MYPN: variants seen among roughly 807,000 people sequenced by gnomAD.
MYPN encodes sarcomeric protein myopalladin, 145 kDa (MYOP).
Under a neutral mutation model 129.4 loss-of-function variants are expected in MYPN, and 63 were observed. That is an observed-to-expected ratio of 0.49 (90% CI 0.40 to 0.60). MYPN has a LOEUF of 0.60. Among genes scored for constraint, MYPN ranks in the 20% least tolerant of loss-of-function variants. The probability of loss-of-function intolerance (pLI) is 0.00; values close to 1 mark genes in which losing one functional copy is unlikely to be tolerated. For synonymous variants in MYPN, 629 were observed against 600.9 expected (o/e 1.05, Z -0.68); for missense variants, 1,596 against 1,635.4 (o/e 0.98, Z 0.42).
chr10:68,120,462 T>A (rs2042225550), intron 1 of MYPN, among the ~76,000 whole-genome samples: 1 of 152,314 alleles, frequency 6.6e-6, no homozygotes, highest in Non-Finnish European at 1.5e-5. Flanking sequence ...TTAACCAAAG[T>A]TAATTTAAGA....
intron 6 of MYPN, among the ~76,000 whole-genome samples, chr10:68,152,809 T>G (rs2042796765): frequency 6.6e-6 from 1 of 151,064 alleles, no homozygotes. Context: ...GCTAATCTTT[T>G]GTATTTTTAG....
upstream of MYPN, among the ~76,000 whole-genome samples, chr10:68,107,885 C>G (rs1466868043): frequency 6.6e-6 from 1 of 152,114 alleles, no homozygotes; most frequent in Non-Finnish European, 1.5e-5. Flanking sequence ...TACTAGCCAC[C>G]TGAAATAGAG....
intron 1 of MYPN, among the ~76,000 whole-genome samples, chr10:68,089,952 T>C (rs774838806): frequency 9.2e-5 from 14 of 152,190 alleles, no homozygotes; most frequent in Non-Finnish European, 1.6e-4. Context: ...AGAGAACTTA[T>C]ATGGGACACA....
rs766738381 is a variant in MYPN at position 68,197,400 on chromosome 10, C to T, written c.3207C>T (p.Arg1069=). 3.1e-6 allele frequency: 5 copies of T among 1,613,868 alleles called. No individual in the cohort carries two copies. Among genetic ancestry groups the T allele is most frequent in the African/African-American group, 1.3e-5 (1 of 74,908 alleles). The change falls in exon 16 of 20, where the codon CGC becomes CGT. Residue 1069 remains arginine, a synonymous_variant. Transcript: ENST00000358913. The part of the protein sequence containing the change: ...QERDKEPLQE[R]FFRPHFLQAP... ...GAGACAAAGAGCCCCTACAGGAACG[C>T]TTTTTCCGACCACATTTCCTGCAGG...
chr10:68,094,316 G>T (rs2133937476), intron 1 of MYPN, among the ~76,000 whole-genome samples: 1 of 151,804 alleles, frequency 6.6e-6, no homozygotes, highest in East Asian at 1.9e-4. Context: ...CCAGGCTGGA[G>T]TGCAATGGCG....
At chr10:68,141,299 G>A (rs915770043) in intron 2 of MYPN, among the ~76,000 whole-genome samples, 1 of 151,936 alleles carries the variant, frequency 6.6e-6, no homozygotes, top group African/African-American at 2.4e-5. Flanking sequence ...AACCCGGGGG[G>A]CAGAGGTTGC....
chr10:68,103,288 A>C (rs543857198), upstream of MYPN, among the ~76,000 whole-genome samples: 1 of 152,322 alleles, frequency 6.6e-6, no homozygotes, highest in African/African-American at 2.4e-5. Flanking sequence ...CCTTGACAAC[A>C]GTTTCATTCC....
intron 6 of MYPN, among the ~76,000 whole-genome samples, chr10:68,154,247 G>C (rs185908759): frequency 1.0e-3 from 158 of 152,288 alleles, no homozygotes; most frequent in African/African-American, 3.7e-3. Context: ...AATGTGAAGG[G>C]AGGTCGATGA....
At chr10:68,194,044 T>C (rs2043560895) in intron 13 of MYPN, among the ~76,000 whole-genome samples, 2 of 152,188 alleles carry the variant, frequency 1.3e-5, no homozygotes, top group Non-Finnish European at 2.9e-5. Context: ...TCTGAAGGCA[T>C]GTCCAGTCCT....
At chr10:68,127,316 T>C (rs1210199816) in intron 2 of MYPN, among the ~76,000 whole-genome samples, 8 of 136,258 alleles carry the variant, frequency 5.9e-5, no homozygotes, top group Admixed American at 5.3e-4. Context: ...GGGACACATA[T>C]ATCTTTTTTT....
chr10:68,146,891 G>A (rs1011305086), intron 4 of MYPN, among the ~76,000 whole-genome samples: 1 of 152,124 alleles, frequency 6.6e-6, no homozygotes, highest in Non-Finnish European at 1.5e-5. Flanking sequence ...AAAGAAATCA[G>A]GTATTCTATT....
At chr10:68,109,013 G>A (rs2042045810), upstream of MYPN, among the ~76,000 whole-genome samples, 1 of 152,120 alleles carries the variant, frequency 6.6e-6, no homozygotes, top group Non-Finnish European at 1.5e-5. Flanking sequence ...GAGCCACTGC[G>A]CCCAGCCAAG....
rs533390464 is a variant in MYPN at position 68,143,742 on chromosome 10, TTTTTG to T, written c.1078+652_1078+656del. Among the ~76,000 whole-genome samples the T allele has an allele frequency of 2.6e-3, 389 of 152,044 alleles. 1 individual carries two copies. Among genetic ancestry groups the T allele is most frequent in the Middle Eastern group, 0.014 (4 of 292 alleles). The stretch of plus-strand genomic sequence containing the variant: ...CATGACATGATCTTAGTTTTTTTGT[TTTTTG>T]TTTTGTTTTGTTTTGTTTTGTTTTT... On this transcript the variant is annotated intron_variant, in intron 3 of 19. Transcript: ENST00000358913.
chr10:68,102,509 T>C (rs939705915), upstream of MYPN, among the ~76,000 whole-genome samples: 4 of 152,210 alleles, frequency 2.6e-5, no homozygotes, highest in Admixed American at 6.5e-5. Context: ...ATTTGAGACC[T>C]ATGTGAGAGA....
rs531294201 is a variant in MYPN at position 68,138,405 on chromosome 10, TTTTCTTTCTTG to T, written c.903-4524_903-4514del. 1.2e-3 allele frequency among the ~76,000 whole-genome samples: 189 copies of T among 151,782 alleles called. 4 individuals carry two copies. The East Asian group carries it at 0.024, about 19-fold the overall frequency. On this transcript the variant is annotated intron_variant, in intron 2 of 19. Coordinates refer to ENST00000358913, the MANE Select transcript of MYPN (RefSeq NM_032578.4). Reference sequence around the variant, plus strand: ...GCATGAGCCACTGTGCCCGGCCTCTTTTTCTTTCTTGTTTCTTTCTTTCTTTTTTTTTTTTT... The same window carrying T: ...GCATGAGCCACTGTGCCCGGCCTCTTTTTCTTTCTTTCTTTTTTTTTTTTT...
intron 2 of MYPN, chr10:68,136,319 C>T (rs2042486378): frequency 1.0e-6 from 1 of 961,690 alleles, no homozygotes; most frequent in Admixed American, 5.8e-5. Context: ...ATCATTGACT[C>T]ATTTCTATTG....
chr10:68,145,881 C>T (rs770901786), intron 4 of MYPN, among the ~76,000 whole-genome samples: 1 of 152,006 alleles, frequency 6.6e-6, no homozygotes, highest in African/African-American at 2.4e-5. Context: ...CCTCTTTTAC[C>T]CCCTTCCTAT....
intron 13 of MYPN, among the ~76,000 whole-genome samples, chr10:68,189,839 A>T (rs1369183942): frequency 6.6e-6 from 1 of 152,304 alleles, no homozygotes; most frequent in East Asian, 1.9e-4. Context: ...AGGAGTGCAG[A>T]TATCTCTTCA....
At chr10:68,210,200 C>T (rs945057439) in intron 19 of MYPN, 86 bp from the exon 20 acceptor site, 6 of 1,462,494 alleles carry the variant, frequency 4.1e-6, no homozygotes, top group African/African-American at 1.4e-5. Flanking sequence ...CAGGGAGAAT[C>T]GGGGTGAGGA....
Sources: allele counts gnomAD v4.1 joint callset (sites outside exome capture counted in the v4.1 genomes callset), GRCh38; gene constraint gnomAD v4.1.1; transcripts MANE v1.5; gene names NCBI Gene and HGNC (gene_info 2026-07-23, HGNC 2026-07-21).